Variants in NALCN observed in about 807,000 individuals in gnomAD.
The protein encoded by NALCN is sodium leak channel, non-selective.
Under a neutral mutation model 225.3 loss-of-function variants are expected in NALCN, and 111 were observed. That is an observed-to-expected ratio of 0.49 (90% CI 0.42 to 0.58). The LOEUF (loss-of-function observed/expected upper bound fraction) is 0.58, where lower values mean the gene tolerates loss of function less well. Ranked by LOEUF, NALCN falls within the 20% of genes least tolerant of loss-of-function variation. The pLI, the probability that NALCN is intolerant of heterozygous loss-of-function variation, is 0.00. For missense variants in NALCN, 1,378 were observed against 2,202.4 expected, an observed-to-expected ratio of 0.63 and a Z score of 7.49; for synonymous variants, 764 against 769.0, an observed-to-expected ratio of 0.99 and a Z score of 0.11.
At chr13:101,115,563 AC>A (rs1273166153) in intron 18 of NALCN, among the ~76,000 whole-genome samples, 1 of 152,224 alleles carries the variant, frequency 6.6e-6, no homozygotes, top group East Asian at 1.9e-4. Context: ...GAAGTAACAG[AC>A]CTACCCAGAA....
chr13:101,312,847 G>C (rs949906942), intron 7 of NALCN, among the ~76,000 whole-genome samples: 5 of 151,944 alleles, frequency 3.3e-5, no homozygotes, highest in African/African-American at 1.2e-4. Context: ...AGTTCATATG[G>C]AACCAAAAAA....
At chr13:101,066,737 G>T (rs971552304) in intron 39 of NALCN, among the ~76,000 whole-genome samples, 2 of 152,100 alleles carry the variant, frequency 1.3e-5, no homozygotes, top group Non-Finnish European at 2.9e-5. Context: ...GGCGGGCAGG[G>T]GTACCAAGAA....
intron 1 of NALCN, among the ~76,000 whole-genome samples, chr13:101,406,679 C>A (rs1382627377): frequency 1.3e-5 from 2 of 152,154 alleles, no homozygotes; most frequent in Non-Finnish European, 2.9e-5. Flanking sequence ...TGGTAGAAAT[C>A]ATCAAACCTC....
At chr13:101,378,850 C>A (rs1449597160) in intron 3 of NALCN, among the ~76,000 whole-genome samples, 197 bp from the exon 4 acceptor site, 1 of 152,018 alleles carries the variant, frequency 6.6e-6, no homozygotes, top group Non-Finnish European at 1.5e-5. Flanking sequence ...AAAAGACAAG[C>A]AACTTTGCAG....
intron 3 of NALCN, among the ~76,000 whole-genome samples, chr13:101,385,111 C>G (rs1278428616): frequency 2.0e-5 from 3 of 152,166 alleles, no homozygotes; most frequent in Non-Finnish European, 4.4e-5. Flanking sequence ...CTCCATGATG[C>G]AGCCAGGTCT....
Position 101,089,539 on chromosome 13 carries a change from T to C in NALCN, c.3489+124A>G. 1 of 757,608 alleles carries C rather than the reference T, an allele frequency of 1.3e-6. No individual in the cohort carries two copies. Among genetic ancestry groups the C allele is most frequent in the South Asian group, 1.8e-5 (1 of 55,142 alleles). 46.9% of individuals were successfully genotyped at this position (757,608 alleles called of 1,614,324 possible). A position where few individuals can be genotyped will look rare whatever the true frequency, so the allele number is the denominator to read the frequency against. On this transcript the variant is annotated intron_variant, in intron 30 of 43. Coordinates refer to ENST00000251127, the MANE Select transcript of NALCN (RefSeq NM_052867.4). This position sits in a 1 kb window ranked among gnomAD's most constrained non-coding sequence, Gnocchi z 4.7. ...GGAGCTTGTAAAACAGTTATAGAGA[T>C]TATTTACACCAGTCACATTACAGTT...
intron 41 of NALCN, among the ~76,000 whole-genome samples, chr13:101,060,332 G>C (rs769557097): frequency 7.9e-6 from 1 of 126,258 alleles, no homozygotes; most frequent in Non-Finnish European, 1.6e-5. Context: ...CTAGAGTTCA[G>C]TGGTGCGATT....
rs1229635045 is a variant in NALCN at position 101,054,072 on chromosome 13, A to AATG, written c.*1220_*1222dup. 1 of 152,222 alleles carries AATG rather than the reference A, an allele frequency of 6.6e-6. No homozygotes were observed. Among genetic ancestry groups the AATG allele is most frequent in the African/African-American group, 2.4e-5 (1 of 41,462 alleles). 9.4% of individuals were successfully genotyped at this position (152,222 alleles called of 1,614,324 possible). On this transcript the variant is annotated 3_prime_UTR_variant, in exon 44 of 44. Transcript: ENST00000251127. ...TCTGTTAAAAAACATCTGAACAGCAAATGTCCAATCTGTAATAAAATAGTT... is the reference window on the plus strand; with the variant it reads ...TCTGTTAAAAAACATCTGAACAGCAAATGATGTCCAATCTGTAATAAAATAGTT...
chr13:101,369,166 A>ATGTGTGTGTGTGTGTGTGTGTG (rs56739782), intron 6 of NALCN, among the ~76,000 whole-genome samples: 36 of 146,334 alleles, frequency 2.5e-4, no homozygotes, highest in South Asian at 6.6e-4. Context: ...GACAAAATAA[A>ATGTGTGTGTGTGTGTGTGTGTG]TGTGTGTGTG....
intron 30 of NALCN, among the ~76,000 whole-genome samples, chr13:101,087,485 A>AG (rs1018096938): frequency 1.3e-5 from 2 of 151,932 alleles, no homozygotes; most frequent in African/African-American, 4.8e-5. Context: ...TTTCTAAAAA[A>AG]AAAAAAAAAC....
chr13:101,210,091 C>A (rs1321057528), intron 13 of NALCN, among the ~76,000 whole-genome samples: 1 of 152,178 alleles, frequency 6.6e-6, no homozygotes, highest in Non-Finnish European at 1.5e-5. Context: ...GTCCCACCTG[C>A]TCTGCTTTTC....
chr13:101,348,584 C>T (rs897169214), intron 6 of NALCN, among the ~76,000 whole-genome samples: 5 of 151,976 alleles, frequency 3.3e-5, no homozygotes, highest in African/African-American at 1.2e-4. Flanking sequence ...GTTAATCACT[C>T]AACTGTTAAT....
chr13:101,311,968 C>T (rs1040777207), intron 7 of NALCN, among the ~76,000 whole-genome samples: 6 of 152,038 alleles, frequency 3.9e-5, no homozygotes, highest in East Asian at 3.9e-4. Context: ...TGGTAGAATT[C>T]GGCTGTGAAT....
At chr13:101,158,760 C>T (rs1446274813) in intron 15 of NALCN, among the ~76,000 whole-genome samples, 2 of 152,166 alleles carry the variant, frequency 1.3e-5, no homozygotes, top group Non-Finnish European at 2.9e-5. Context: ...GACTGGTACT[C>T]CTCACTCCTA....
chr13:101,072,394 G>C (rs192334693), intron 37 of NALCN, among the ~76,000 whole-genome samples: 2 of 152,290 alleles, frequency 1.3e-5, no homozygotes, highest in Admixed American at 1.3e-4. Flanking sequence ...ACTGTTATGG[G>C]ATGCTATGGA....
Position 101,104,333 on chromosome 13 carries a change from T to G in NALCN, c.2851A>C (p.Arg951=). 1 of 1,613,576 alleles carries G rather than the reference T, an allele frequency of 6.2e-7. No homozygotes were observed. Among genetic ancestry groups the G allele is most frequent in the Non-Finnish European group, 8.5e-7 (1 of 1,179,754 alleles). The change falls in exon 25 of 44, where the codon AGG becomes CGG. Residue 951 remains arginine, a synonymous_variant. Transcript: ENST00000251127. The surrounding 1 kb of genome is among the most constrained non-coding windows in gnomAD (Gnocchi z 4.2). ...ATGTCCATTACTCCACCGAAGTCCC[T>G]GATGACAGCAGTTGGAGTGAAAAAT... ...GLFFTPTAVI[R]DFGGVMDIFI... is the part of the protein sequence containing the mutation.
chr13:101,299,254 G>T (rs1357553169), intron 7 of NALCN, among the ~76,000 whole-genome samples: 1 of 152,162 alleles, frequency 6.6e-6, no homozygotes, highest in African/African-American at 2.4e-5. Context: ...CTTAGAATTT[G>T]GGGGAAGGGA....
At chr13:101,125,715 A>C (rs1352514309) in intron 17 of NALCN, among the ~76,000 whole-genome samples, 1 of 152,196 alleles carries the variant, frequency 6.6e-6, no homozygotes, top group Non-Finnish European at 1.5e-5. Flanking sequence ...GCAAGTCTGG[A>C]CTAGTCGGCA....
intron 1 of NALCN, among the ~76,000 whole-genome samples, chr13:101,406,036 C>T (rs904981415): frequency 6.6e-6 from 1 of 151,900 alleles, no homozygotes; most frequent in Non-Finnish European, 1.5e-5. Flanking sequence ...CATTTTCAGG[C>T]CATGTGTGGT....
Sources: gnomAD v4.1 joint callset for allele counts (sites outside exome capture counted in the v4.1 genomes callset) on GRCh38, gnomAD v4.1.1 for gene constraint, Gnocchi (gnomAD v3.1) non-coding constraint, MANE v1.5 for transcripts, NCBI Gene and HGNC (gene_info 2026-07-23, HGNC 2026-07-21) for gene names.